Variants in CEP152 observed in about 807,000 individuals in gnomAD.
The protein encoded by CEP152 is centrosomal protein 152.
Under a neutral mutation model 188.9 loss-of-function variants are expected in CEP152, and 132 were observed. That is an observed-to-expected ratio of 0.70 (90% confidence interval 0.61 to 0.81). CEP152 has a LOEUF of 0.81. Ranked by LOEUF, CEP152 falls within the 30% of genes least tolerant of loss-of-function variation. The pLI is 0.00. For missense variants in CEP152, 1,914 were observed against 1,969.8 expected, an observed-to-expected ratio of 0.97 and a Z score of 0.54; for synonymous variants, 649 against 666.6, an observed-to-expected ratio of 0.97 and a Z score of 0.41.
At chr15:48,754,674 G>A (rs1288191743) in intron 20 of CEP152, among the ~76,000 whole-genome samples, 1 of 152,126 alleles carries the variant, frequency 6.6e-6, no homozygotes, top group Admixed American at 6.5e-5. Flanking sequence ...GGAGTGAGCT[G>A]ATCTTTCAGG....
chr15:48,800,592 A>G (rs892101837), intron 2 of CEP152, among the ~76,000 whole-genome samples: 3 of 152,216 alleles, frequency 2.0e-5, no homozygotes, highest in African/African-American at 7.2e-5. Flanking sequence ...CAAACTTCCA[A>G]ATACAGATTC....
rs1173522267 is a variant in CEP152, at chr15:48,738,076, A to AT, written c.*172_*173insA. ...TATACATACACCATCAGGCCTTTGGAATATTAAGGCAACATAAATATCTCA... is the reference window on the plus strand; with the variant it reads ...TATACATACACCATCAGGCCTTTGGATATATTAAGGCAACATAAATATCTCA... On this transcript the variant is annotated 3_prime_UTR_variant, in exon 27 of 27. Transcript: ENST00000380950. 1 of 729,768 alleles carries AT rather than the reference A, an allele frequency of 1.4e-6. No individual in the cohort carries two copies. Among genetic ancestry groups the AT allele is most frequent in the Non-Finnish European group, 2.2e-6 (1 of 462,854 alleles). 45.2% of individuals were successfully genotyped at this position (729,768 alleles called of 1,614,324 possible). A position where few individuals can be genotyped will look rare whatever the true frequency, so the allele number is the denominator to read the frequency against.
At position 48,805,522 on chromosome 15, in the gene CEP152, G is replaced by A. The variant is rs748241549; in HGVS notation, c.87+41C>T. On this transcript the variant is annotated intron_variant, in intron 2 of 26. Transcript: ENST00000380950. ...CAAGAAATAAAACTTGTTAAAGATT[G>A]GGTTTAGTGTCTCTTTTTTTTTTTT... The A allele has an allele frequency of 4.5e-6, 7 of 1,571,506 alleles. No homozygotes were observed. In the South Asian group the frequency reaches 8.1e-5, roughly 18 times the overall value.
intron 22 of CEP152, among the ~76,000 whole-genome samples, chr15:48,745,620 G>A (rs1893348230): frequency 6.6e-6 from 1 of 152,016 alleles, no homozygotes; most frequent in African/African-American, 2.4e-5. Context: ...GCAGGGGGTG[G>A]ATCTCACAAA....
intron 2 of CEP152, among the ~76,000 whole-genome samples, chr15:48,801,905 C>T (rs1268954034): frequency 6.6e-6 from 1 of 152,090 alleles, no homozygotes; most frequent in Non-Finnish European, 1.5e-5. Flanking sequence ...ACCAGCCTGG[C>T]CAACATGGCA....
chr15:48,784,926 C>T (rs1465709530), intron 9 of CEP152, among the ~76,000 whole-genome samples: 1 of 152,110 alleles, frequency 6.6e-6, no homozygotes, highest in Non-Finnish European at 1.5e-5. Context: ...CCAGGTAGAA[C>T]AAACACACTG....
chr15:48,802,706 T>C (rs898268047), intron 2 of CEP152, among the ~76,000 whole-genome samples: 3 of 152,204 alleles, frequency 2.0e-5, no homozygotes, highest in African/African-American at 7.2e-5. Context: ...CCTCTAAATA[T>C]TGAATAAAGT....
intron 17 of CEP152, among the ~76,000 whole-genome samples, chr15:48,764,653 G>A (rs1310455072): frequency 6.6e-6 from 1 of 152,106 alleles, no homozygotes; most frequent in Non-Finnish European, 1.5e-5. Context: ...GAAGGATTCC[G>A]TGTATATGAT....
rs530314690 is a variant in CEP152 at position 48,750,101 on chromosome 15, T to C, written c.3467-1491A>G. 1.4e-3 allele frequency among the ~76,000 whole-genome samples: 217 copies of C among 152,182 alleles called. 2 individuals carry two copies. The South Asian group carries it at 0.023, about 16-fold the overall frequency. On this transcript the variant is annotated intron_variant, in intron 21 of 26. Coordinates refer to ENST00000380950, the MANE Select transcript of CEP152 (RefSeq NM_001194998.2). ...ACAAAATGGAGTAAAATGTTAATAATAGGTGTATCTCATTAAAGGGTATGT... is the reference window on the plus strand; with the variant it reads ...ACAAAATGGAGTAAAATGTTAATAACAGGTGTATCTCATTAAAGGGTATGT...
Position 48,760,214 on chromosome 15 carries a change from T to C in CEP152, c.2615A>G (p.Glu872Gly). Residue 872 changes from glutamate (E) to glycine (G), a missense_variant, in exon 19 of 27, where the codon GAG becomes GGG. Coordinates refer to ENST00000380950, the MANE Select transcript of CEP152 (RefSeq NM_001194998.2). The part of the protein sequence containing the change: ...AHQRWLGELP[E>G]LAEYQALVKA... ...CACAAGTGCTTGATACTCTGCCAGC[T>C]CTGGTAGTTCTCCCAGCCATCGCTG... 2 of 1,614,136 alleles carry C rather than the reference T, an allele frequency of 1.2e-6. No individual in the cohort carries two copies. The highest frequency in any genetic ancestry group is 1.7e-6 in the Non-Finnish European group (2 of 1,179,974).
At chr15:48,765,510 C>T (rs1377877379) in intron 17 of CEP152, 1 of 366,568 alleles carries the variant, frequency 2.7e-6, no homozygotes, top group African/African-American at 2.3e-5. Flanking sequence ...CAGTCAATAG[C>T]AGATACTAAT....
chr15:48,801,802 CT>C, intron 2 of CEP152, among the ~76,000 whole-genome samples: 1 of 152,154 alleles, frequency 6.6e-6, no homozygotes, highest in Non-Finnish European at 1.5e-5. Context: ...ACAAAAAGAC[CT>C]TTATCTGGGG....
At chr15:48,734,453 CAGA>C (rs1488100437), downstream of CEP152, among the ~76,000 whole-genome samples, 1 of 149,444 alleles carries the variant, frequency 6.7e-6, no homozygotes, top group African/African-American at 2.4e-5. Flanking sequence ...CTGTTTAATG[CAGA>C]AGAAGGCAAT....
At chr15:48,803,716 A>G (rs1897812962) in intron 2 of CEP152, among the ~76,000 whole-genome samples, 1 of 152,156 alleles carries the variant, frequency 6.6e-6, no homozygotes, top group South Asian at 2.1e-4. Flanking sequence ...TATTATCTAG[A>G]ATTAATTGCC....
At chr15:48,763,580 A>G (rs769863174) in intron 17 of CEP152, among the ~76,000 whole-genome samples, 8 of 152,180 alleles carry the variant, frequency 5.3e-5, no homozygotes, top group Non-Finnish European at 1.0e-4. Context: ...AGGCTGAGGC[A>G]GGAGAATCAC....
chr15:48,789,368 T>G (rs1284473613), intron 8 of CEP152: 1 of 279,838 alleles, frequency 3.6e-6, no homozygotes, highest in African/African-American at 2.2e-5. Context: ...AACCCAATTG[T>G]TAGGTCACAG....
chr15:48,785,518 G>A (rs1896565086), intron 9 of CEP152, among the ~76,000 whole-genome samples: 1 of 152,164 alleles, frequency 6.6e-6, no homozygotes, highest in Non-Finnish European at 1.5e-5. Flanking sequence ...AAGGGGTGGG[G>A]AGACAGCTAA....
intron 22 of CEP152, among the ~76,000 whole-genome samples, chr15:48,747,981 CT>C (rs1893578179): frequency 1.3e-5 from 2 of 152,126 alleles, no homozygotes; most frequent in South Asian, 4.1e-4. Flanking sequence ...TTAGTCAAAC[CT>C]TTCTTAACTT....
At chr15:48,752,122 T>A (rs949736801) in intron 21 of CEP152, among the ~76,000 whole-genome samples, 1 of 152,188 alleles carries the variant, frequency 6.6e-6, no homozygotes. Flanking sequence ...ATGATTCTCC[T>A]TGTAACAAGA....
Sources: allele counts gnomAD v4.1 joint callset (sites outside exome capture counted in the v4.1 genomes callset), GRCh38; gene constraint gnomAD v4.1.1; transcripts MANE v1.5; gene names NCBI Gene and HGNC (gene_info 2026-07-23, HGNC 2026-07-21).